Variants in AGMO observed in about 807,000 individuals in gnomAD.
AGMO encodes the protein glyceryl-ether monooxygenase.
AGMO carries 75 observed loss-of-function variants against 60.2 expected under a neutral mutation model. The observed-to-expected ratio is 1.25, with a 90% CI of 1.03 to 1.51. The LOEUF is 1.51. Among genes scored for constraint, AGMO ranks in the 40% most tolerant of loss-of-function variants. AGMO has a pLI of 0.00. For missense variants in AGMO, 763 were observed against 525.5 expected, an observed-to-expected ratio of 1.45 and a Z score of -4.42; for synonymous variants, 261 against 177.1, an observed-to-expected ratio of 1.47 and a Z score of -3.76.
the AGMO span, among the ~76,000 whole-genome samples, chr7:15,189,895 T>C: frequency 6.6e-6 from 1 of 151,360 alleles, no homozygotes; most frequent in Non-Finnish European, 1.5e-5. Flanking sequence ...TTGTTTACCA[T>C]TTATATTTCA....
At chr7:15,374,773 G>C (rs1783379224) in intron 10 of AGMO, among the ~76,000 whole-genome samples, 1 of 152,062 alleles carries the variant, frequency 6.6e-6, no homozygotes, top group South Asian at 2.1e-4. Flanking sequence ...TGGATTCCCT[G>C]AATTGTGGAG....
intron 3 of AGMO, among the ~76,000 whole-genome samples, chr7:15,534,195 C>A (rs963593328): frequency 2.0e-5 from 3 of 151,674 alleles, no homozygotes; most frequent in African/African-American, 7.3e-5. Context: ...ATTTCAATCT[C>A]TTAGCTGGAA....
chr7:15,398,336 CGGT>C (rs1784467339), intron 5 of AGMO, among the ~76,000 whole-genome samples: 2 of 152,068 alleles, frequency 1.3e-5, no homozygotes, highest in African/African-American at 4.8e-5. Context: ...GGCTAAAGCA[CGGT>C]GATAACAATA....
the AGMO span, among the ~76,000 whole-genome samples, chr7:15,131,026 TTC>T: frequency 6.6e-6 from 1 of 152,026 alleles, no homozygotes; most frequent in Non-Finnish European, 1.5e-5. Flanking sequence ...AGCTATATCA[TTC>T]TGTTTCAAAT....
At chr7:15,499,907 G>GCGCACACA (rs775376528) in intron 3 of AGMO, among the ~76,000 whole-genome samples, 1 of 137,718 alleles carries the variant, frequency 7.3e-6, no homozygotes, top group African/African-American at 2.6e-5. Context: ...TATGTATTAC[G>GCGCACACA]CACACACACA....
intron 12 of AGMO, among the ~76,000 whole-genome samples, chr7:15,287,700 G>C (rs189617595): frequency 6.6e-6 from 1 of 152,182 alleles, no homozygotes; most frequent in South Asian, 2.1e-4. Context: ...GTAGGCACCA[G>C]AACTTTTCGA....
intron 5 of AGMO, among the ~76,000 whole-genome samples, chr7:15,397,267 A>G (rs1445212854): frequency 3.3e-5 from 5 of 152,008 alleles, no homozygotes; most frequent in South Asian, 4.1e-4. Context: ...GACCCTGATC[A>G]AGCCCAGCAG....
downstream of AGMO, among the ~76,000 whole-genome samples, chr7:15,195,452 G>C (rs62448919): frequency 0.049 from 7,469 of 152,278 alleles, 272 homozygotes; most frequent in African/African-American, 0.091. Flanking sequence ...GGTTGGACCA[G>C]GTGTGACGCT....
intron 3 of AGMO, among the ~76,000 whole-genome samples, chr7:15,474,888 T>C (rs942895258): frequency 3.9e-5 from 6 of 152,042 alleles, no homozygotes; most frequent in Non-Finnish European, 8.8e-5. Flanking sequence ...GCGAAGAATA[T>C]GGACAGACAC....
chr7:15,385,557 G>C lies in AGMO; in HGVS notation c.963C>G (p.Thr321=). 6.3e-7 allele frequency: 1 copy of C among 1,582,118 alleles called. No homozygotes were observed. The highest frequency in any genetic ancestry group is 8.7e-7 in the Non-Finnish European group (1 of 1,151,688). ...ATGATGAGAAGGGAACTTCTTTGCC[G>C]GTGACCTAGGGAGACAAGAACCATT... ...LGLSEEIPEV[T]GKEVPFSSSS... The change falls in exon 10 of 13, where the codon ACC becomes ACG. Residue 321 remains threonine, a synonymous_variant. Coordinates refer to ENST00000342526, the MANE Select transcript of AGMO (RefSeq NM_001004320.2).
intron 12 of AGMO, among the ~76,000 whole-genome samples, chr7:15,267,142 G>C (rs1042360371): frequency 2.6e-5 from 4 of 151,960 alleles, no homozygotes; most frequent in Non-Finnish European, 4.4e-5. Flanking sequence ...GAAATCCCTT[G>C]TGACTTAGTT....
intron 2 of AGMO, among the ~76,000 whole-genome samples, chr7:15,555,873 C>T (rs948895805): frequency 5.9e-5 from 9 of 151,964 alleles, no homozygotes; most frequent in Admixed American, 5.9e-4. Flanking sequence ...GAGACATTCT[C>T]TCAAATGTAA....
the AGMO span, among the ~76,000 whole-genome samples, chr7:15,149,968 G>T: frequency 6.6e-6 from 1 of 151,936 alleles, no homozygotes; most frequent in South Asian, 2.1e-4. Flanking sequence ...TTTTCCATTT[G>T]TTTGTGTCAT....
At chr7:15,207,586 T>C (rs1391761657) in intron 12 of AGMO, among the ~76,000 whole-genome samples, 2 of 152,230 alleles carry the variant, frequency 1.3e-5, no homozygotes, top group Non-Finnish European at 2.9e-5. Context: ...CCAGCTTAGA[T>C]TGTTATATTT....
At chr7:15,241,691 C>T (rs1480360107) in intron 12 of AGMO, among the ~76,000 whole-genome samples, 2 of 151,186 alleles carry the variant, frequency 1.3e-5, no homozygotes, top group Non-Finnish European at 3.0e-5. Flanking sequence ...CCCAAAACCA[C>T]TGTGTAACAA....
intron 3 of AGMO, among the ~76,000 whole-genome samples, chr7:15,493,853 T>G (rs1007888271): frequency 5.3e-5 from 8 of 152,126 alleles, no homozygotes; most frequent in African/African-American, 1.9e-4. Context: ...GCTTCTCTTT[T>G]TTTGTTAATT....
At chr7:15,514,585 C>T (rs957031415) in intron 3 of AGMO, among the ~76,000 whole-genome samples, 1 of 151,826 alleles carries the variant, frequency 6.6e-6, no homozygotes, top group Admixed American at 6.6e-5. Flanking sequence ...AAATGAAGGG[C>T]ATTTAAAAAC....
At chr7:15,196,190 C>A (rs991664533), downstream of AGMO, among the ~76,000 whole-genome samples, 1 of 151,690 alleles carries the variant, frequency 6.6e-6, no homozygotes, top group Non-Finnish European at 1.5e-5. Flanking sequence ...TTACAGGCAC[C>A]ACCACCACAT....
At chr7:15,135,159 A>T in the AGMO span, among the ~76,000 whole-genome samples, 4 of 124,946 alleles carry the variant, frequency 3.2e-5, no homozygotes, top group Admixed American at 7.8e-5. Context: ...TATTTATATG[A>T]GTTTGTGTGT....
Sources: gnomAD v4.1 joint callset for allele counts (sites outside exome capture counted in the v4.1 genomes callset) on GRCh38, gnomAD v4.1.1 for gene constraint, MANE v1.5 for transcripts, NCBI Gene and HGNC (gene_info 2026-07-23, HGNC 2026-07-21) for gene names.